UNC5CL: variants seen among roughly 807,000 people sequenced by gnomAD.
UNC5CL encodes the protein unc-5 family C-terminal like, also known as UNC5C-like protein.
In UNC5CL, 42 loss-of-function variants were observed where a neutral mutation model predicts 54.1. The observed-to-expected ratio is 0.78, with a 90% CI of 0.61 to 1.00. The LOEUF (loss-of-function observed/expected upper bound fraction) is 1.00. UNC5CL is among the 50% of genes least tolerant of loss of function. The pLI, the probability that UNC5CL is intolerant of heterozygous loss-of-function variation, is 0.00. For synonymous variants in UNC5CL, 285 were observed against 285.1 expected, an observed-to-expected ratio of 1.00 and a Z score of 0.00; for missense variants, 619 against 675.6, an observed-to-expected ratio of 0.92 and a Z score of 0.93.
intron 4 of UNC5CL, 123 bp downstream of exon 4, chr6:41,032,761 G>A (rs998345013): frequency 2.5e-5 from 35 of 1,398,218 alleles, no homozygotes; most frequent in South Asian, 3.0e-5. Flanking sequence ...ACTCCATCTC[G>A]GGAAAAAAAA....
rs1280595577 is a variant in UNC5CL at position 41,033,067 on chromosome 6, G to A, written c.766C>T (p.Leu256=). The change falls in exon 4 of 9, where the codon CTG becomes TTG. Residue 256 remains leucine (L), a synonymous_variant. Coordinates refer to ENST00000244565, the MANE Select transcript of UNC5CL (RefSeq NM_173561.3). ...TGCAGATGGGACTGTCCTGGCACCA[G>A]CGGTGAGCAGAATACGGCCAGCTGC... The part of the protein sequence containing the change: ...WLQLAVFCSP[L]VPGQSHLQLR... 1 of 1,613,218 alleles carries A rather than the reference G, an allele frequency of 6.2e-7. No individual in the cohort carries two copies. The highest frequency in any genetic ancestry group is 1.1e-5 in the South Asian group (1 of 90,842).
intron 1 of UNC5CL, among the ~76,000 whole-genome samples, chr6:41,037,266 T>G (rs1333804094): frequency 6.6e-6 from 1 of 152,222 alleles, no homozygotes; most frequent in Non-Finnish European, 1.5e-5. Flanking sequence ...TCGGACACTG[T>G]GGGAAGTTCA....
At chr6:41,036,220 A>G (rs1239629916) in intron 1 of UNC5CL, among the ~76,000 whole-genome samples, 1 of 152,268 alleles carries the variant, frequency 6.6e-6, no homozygotes, top group Non-Finnish European at 1.5e-5. Flanking sequence ...TGTTATTTCA[A>G]CAGGTAATCG....
In UNC5CL at chr6:41,028,066, G is replaced by C. The variant is rs959397173; in HGVS notation, c.*307C>G. The C allele has an allele frequency of 2.4e-6, 1 of 424,352 alleles. No individual in the cohort carries two copies. The highest frequency in any genetic ancestry group is 4.2e-6 in the Non-Finnish European group (1 of 236,326). The allele number at this position is 424,352 out of a possible 1,614,324, so 26.3% of individuals were successfully genotyped here. Reference sequence around the variant, plus strand: ...CAGTGAATACTTTAGGGCCTGACCGGCCCTAAAGTGCACGCGGGGACCGTG... The same window carrying C: ...CAGTGAATACTTTAGGGCCTGACCGCCCCTAAAGTGCACGCGGGGACCGTG... On this transcript the variant is annotated 3_prime_UTR_variant, in exon 9 of 9. Coordinates refer to ENST00000244565, the MANE Select transcript of UNC5CL (RefSeq NM_173561.3). This position sits in a 1 kb window ranked among gnomAD's most constrained non-coding sequence, Gnocchi z 4.3.
intron 3 of UNC5CL, 129 bp from the exon 4 acceptor site, chr6:41,033,275 G>A (rs1762478025): frequency 2.6e-6 from 3 of 1,153,810 alleles, no homozygotes; most frequent in South Asian, 3.2e-5. Flanking sequence ...ACACTCGAGG[G>A]GAGCACTTAG....
rs1218978751 is a variant in UNC5CL, at chr6:41,029,680, T to C, written c.1334+708A>G. 6.6e-6 allele frequency among the ~76,000 whole-genome samples: 1 copy of C among 152,048 alleles called. No homozygotes were observed. The highest frequency in any genetic ancestry group is 1.5e-5 in the Non-Finnish European group (1 of 68,008). ...GGTGAAACCCCGTCTGTACTAAAAA[T>C]AAAAAATTAGCTGGACATGGTGGCG... On this transcript the variant is annotated intron_variant, in intron 8 of 8. Coordinates refer to ENST00000244565, the MANE Select transcript of UNC5CL (RefSeq NM_173561.3). The surrounding 1 kb of genome is among the most constrained non-coding windows in gnomAD (Gnocchi z 4.1).
chr6:41,032,983 C>T lies in UNC5CL; in HGVS notation c.850G>A (p.Glu284Lys), dbSNP rs1039786723. The T allele has an allele frequency of 4.4e-6, 7 of 1,603,946 alleles. No individual in the cohort carries two copies. The highest frequency in any genetic ancestry group is 6.0e-6 in the Non-Finnish European group (7 of 1,175,314). ...PCALQWALTN[E>K]QPHGGRLRGP... The stretch of plus-strand genomic sequence containing the variant: ...CGCAGGCGCCCACCATGGGGCTGCT[C>T]GTTGGTCAGTGCCCACTGCAGGGCG... Residue 284 changes from glutamate to lysine, a missense_variant, in exon 4 of 9, where the codon GAG becomes AAG. By Grantham distance (56) the Glu-to-Lys change is moderately conservative. Coordinates refer to ENST00000244565, the MANE Select transcript of UNC5CL (RefSeq NM_173561.3).
At chr6:41,030,166 T>A in intron 8 of UNC5CL, among the ~76,000 whole-genome samples, 1 of 152,318 alleles carries the variant, frequency 6.6e-6, no homozygotes, top group East Asian at 1.9e-4. Context: ...GGATTCACTG[T>A]TAAATGTTAA....
Position 41,034,158 on chromosome 6 carries a change from C to T in UNC5CL, c.409G>A (p.Glu137Lys). The change falls in exon 3 of 9, where the codon GAG becomes AAG. Residue 137 changes from glutamate (E) to lysine (K), a missense_variant. By Grantham distance (56) the Glu-to-Lys change is moderately conservative. Coordinates refer to ENST00000244565, the MANE Select transcript of UNC5CL (RefSeq NM_173561.3). ...CACACCAGGATCAAAGACACCCGCTCCTGGCGGCCCACAGCCACAGCACCT... is the reference window on the plus strand; with the variant it reads ...CACACCAGGATCAAAGACACCCGCTTCTGGCGGCCCACAGCCACAGCACCT... ...PPGAVAVGRQERVSLILVWDL... is the reference protein window; with the variant it reads ...PPGAVAVGRQKRVSLILVWDL... 1 of 1,609,216 alleles carries T rather than the reference C, an allele frequency of 6.2e-7. No homozygotes were observed. Among genetic ancestry groups the T allele is most frequent in the Non-Finnish European group, 8.5e-7 (1 of 1,176,938 alleles).
At chr6:41,032,200 G>T (rs1390151176) in intron 4 of UNC5CL, 63 bp from the exon 5 acceptor site, 8 of 1,374,212 alleles carry the variant, frequency 5.8e-6, no homozygotes, top group Middle Eastern at 1.8e-4. Flanking sequence ...TATTGAAGGG[G>T]GCTGTGGGGA....
chr6:41,028,587 G>A lies in UNC5CL; in HGVS notation c.1343C>T (p.Ser448Phe), dbSNP rs1344912669. 1.2e-6 allele frequency: 2 copies of A among 1,613,106 alleles called. No homozygotes were observed. Among genetic ancestry groups the A allele is most frequent in the Middle Eastern group, 1.7e-4 (1 of 6,040 alleles). The change falls in exon 9 of 9, where the codon TCC becomes TTC. Residue 448 changes from serine to phenylalanine, a missense_variant. Ser to Phe is a radical substitution (Grantham distance 155). Coordinates refer to ENST00000244565, the MANE Select transcript of UNC5CL (RefSeq NM_173561.3). The surrounding 1 kb of genome is among the most constrained non-coding windows in gnomAD (Gnocchi z 4.3). ...GLCGMKIRFL[S>F]CQRSPAAAIL... Reference sequence around the variant, plus strand: ...GGCCGCTGCGGGGCTGCGCTGGCAGGACAGGAACCTGGCCCGAGGTAGGGG... The same window carrying A: ...GGCCGCTGCGGGGCTGCGCTGGCAGAACAGGAACCTGGCCCGAGGTAGGGG...
intron 5 of UNC5CL, 112 bp downstream of exon 5, chr6:41,031,924 G>C: frequency 7.9e-7 from 1 of 1,271,246 alleles, no homozygotes. Flanking sequence ...GGGAAGGTCT[G>C]TGTGCATGGC....
intron 4 of UNC5CL, 70 bp from the exon 5 acceptor site, chr6:41,032,207 G>A: frequency 7.6e-7 from 1 of 1,309,568 alleles, no homozygotes; most frequent in Non-Finnish European, 1.1e-6. Flanking sequence ...GGGGGCTGTG[G>A]GGAGGCATGA....
At chr6:41,037,736 C>A (rs1459220867) in intron 1 of UNC5CL, among the ~76,000 whole-genome samples, 1 of 152,226 alleles carries the variant, frequency 6.6e-6, no homozygotes, top group South Asian at 2.1e-4. Flanking sequence ...CTGGAGGGCA[C>A]ACAGGTGAAT....
chr6:41,034,588 A>G, intron 2 of UNC5CL, 102 bp downstream of exon 2: 1 of 1,394,734 alleles, frequency 7.2e-7, no homozygotes. Flanking sequence ...ATAAACAATT[A>G]TCAGAAGTAA....
rs376822996 is a variant in UNC5CL, at chr6:41,035,042, G to T, written c.33C>A (p.Ser11=). MCPQESSFQP[S]QFLLLVGVPV... ...GGACCCCCACCAGCAGTAGGAACTG[G>T]GAGGGTTGGAATGAACTCTCCTGGG... The change falls in exon 2 of 9, where the codon TCC becomes TCA. Residue 11 remains serine (S), a synonymous_variant. Coordinates refer to ENST00000244565, the MANE Select transcript of UNC5CL (RefSeq NM_173561.3). 14 of 1,590,294 alleles carry T rather than the reference G, an allele frequency of 8.8e-6. No homozygotes were observed. The highest frequency in any genetic ancestry group is 1.2e-5 in the Non-Finnish European group (14 of 1,163,496).
chr6:41,032,371 C>A (rs1205556235), intron 4 of UNC5CL, among the ~76,000 whole-genome samples: 1 of 152,198 alleles, frequency 6.6e-6, no homozygotes, highest in Non-Finnish European at 1.5e-5. Context: ...CCTGGCATCA[C>A]CCTGTCCAAG....
Position 41,028,314 on chromosome 6 carries a change from G to T in UNC5CL, c.*59C>A. On this transcript the variant is annotated 3_prime_UTR_variant, in exon 9 of 9. Coordinates refer to ENST00000244565, the MANE Select transcript of UNC5CL (RefSeq NM_173561.3). The surrounding 1 kb of genome is among the most constrained non-coding windows in gnomAD (Gnocchi z 4.3). The stretch of plus-strand genomic sequence containing the variant: ...AGGAACAGCTGCTGTGTTCCTCTTA[G>T]GCGTAGGAGAACAACCCCTCTCGCC... 1 of 1,455,570 alleles carries T rather than the reference G, an allele frequency of 6.9e-7. No individual in the cohort carries two copies. Among genetic ancestry groups the T allele is most frequent in the African/African-American group, 1.4e-5 (1 of 71,240 alleles). 90.2% of individuals were successfully genotyped at this position (1,455,570 alleles called of 1,614,324 possible).
chr6:41,033,579 T>C (rs1396295913), intron 3 of UNC5CL: 7 of 520,958 alleles, frequency 1.3e-5, no homozygotes, highest in Non-Finnish European at 2.4e-5. Context: ...GAGAGATAAT[T>C]TGAAAGACAG....
Sources: gnomAD v4.1 joint callset for allele counts (sites outside exome capture counted in the v4.1 genomes callset) on GRCh38, gnomAD v4.1.1 for gene constraint, Gnocchi (gnomAD v3.1) non-coding constraint, MANE v1.5 for transcripts, NCBI Gene and HGNC (gene_info 2026-07-23, HGNC 2026-07-21) for gene names.